THSD4: variants seen among roughly 807,000 people sequenced by gnomAD.
THSD4 encodes thrombospondin type 1 domain containing 4, also known as thrombospondin type-1 domain-containing protein 4.
Under a neutral mutation model 119.0 loss-of-function variants are expected in THSD4, and 69 were observed. The observed-to-expected ratio is 0.58, with a 90% confidence interval of 0.48 to 0.71. The LOEUF is 0.71. Ranked by LOEUF, THSD4 falls within the 30% of genes least tolerant of loss-of-function variation. The probability of loss-of-function intolerance (pLI) is 0.00; values close to 1 mark genes in which losing one functional copy is unlikely to be tolerated. For synonymous variants in THSD4, 524 were observed against 540.4 expected (o/e 0.97, Z 0.42); for missense variants, 1,393 against 1,391.1 (o/e 1.00, Z -0.02).
At chr15:71,292,941 G>T (rs2044812136) in intron 6 of THSD4, among the ~76,000 whole-genome samples, 1 of 152,170 alleles carries the variant, frequency 6.6e-6, no homozygotes, top group African/African-American at 2.4e-5. Context: ...CTCCCAAAGT[G>T]CTGGGATTAC....
intron 4 of THSD4, among the ~76,000 whole-genome samples, chr15:71,238,176 A>C (rs1798280950): frequency 6.6e-6 from 1 of 152,178 alleles, no homozygotes; most frequent in African/African-American, 2.4e-5. Flanking sequence ...TGCTCAATAA[A>C]GGTTTGTTAA....
At chr15:71,371,177 C>T (rs1360830998) in intron 6 of THSD4, among the ~76,000 whole-genome samples, 4 of 152,154 alleles carry the variant, frequency 2.6e-5, no homozygotes, top group African/African-American at 9.7e-5. Context: ...TGTGTCTTAG[C>T]ACATGAGATG....
intron 8 of THSD4, among the ~76,000 whole-genome samples, chr15:71,716,465 G>T (rs947259976): frequency 1.3e-5 from 2 of 152,070 alleles, no homozygotes; most frequent in Admixed American, 6.5e-5. Flanking sequence ...TCGTGCTGTA[G>T]GATTGCACTG....
rs2053148205 is a variant in THSD4, at chr15:71,737,875, A to G, written c.1774A>G (p.Arg592Gly). 2 of 1,614,242 alleles carry G rather than the reference A, an allele frequency of 1.2e-6. No individual in the cohort carries two copies. The highest frequency in any genetic ancestry group is 2.2e-5 in the South Asian group (2 of 91,086). ...AGAATCGGCACAGACCTTCCCAGTC[A>G]GGCATCCAGACAGATTTTCTCCCCA... ...TSESAQTFPV[R>G]HPDRFSPHRP... is the part of the protein sequence containing the mutation. Residue 592 changes from arginine (R) to glycine (G), a missense_variant, in exon 11 of 18, where the codon AGG becomes GGG. Physicochemically the swap from Arg to Gly is moderately radical, Grantham distance 125. Coordinates refer to ENST00000261862, the MANE Select transcript of THSD4 (RefSeq NM_024817.3).
chr15:71,527,681 T>TTGA (rs2048543330), intron 7 of THSD4, among the ~76,000 whole-genome samples: 1 of 151,502 alleles, frequency 6.6e-6, no homozygotes, highest in African/African-American at 2.4e-5. Context: ...TCAGATTTTG[T>TTGA]TGATTTTTTT....
At chr15:71,350,141 T>TAAAAAA (rs3086680) in intron 6 of THSD4, among the ~76,000 whole-genome samples, 11 of 111,174 alleles carry the variant, frequency 9.9e-5, no homozygotes, top group Non-Finnish European at 9.3e-5. Flanking sequence ...TGCAAATTAC[T>TAAAAAA]AAAAAAAAAA....
At chr15:71,692,783 C>T (rs564775323) in intron 8 of THSD4, among the ~76,000 whole-genome samples, 9 of 152,266 alleles carry the variant, frequency 5.9e-5, no homozygotes, top group East Asian at 1.9e-4. Flanking sequence ...TAATAAGAAG[C>T]GCTGTCCTCT....
chr15:71,777,710 A>T lies in THSD4; in HGVS notation c.*336A>T. 3.2e-6 allele frequency: 1 copy of T among 315,314 alleles called. No individual in the cohort carries two copies. Among genetic ancestry groups the T allele is most frequent in the South Asian group, 4.0e-5 (1 of 24,804 alleles). 19.5% of individuals were successfully genotyped at this position (315,314 alleles called of 1,614,324 possible). On this transcript the variant is annotated 3_prime_UTR_variant, in exon 18 of 18. Coordinates refer to ENST00000261862, the MANE Select transcript of THSD4 (RefSeq NM_024817.3). Reference sequence around the variant, plus strand: ...CCATCTGGCACCTTCAAGTCAGCAGATGGGCCACTGACTGAGCACTGCCCC... The same window carrying T: ...CCATCTGGCACCTTCAAGTCAGCAGTTGGGCCACTGACTGAGCACTGCCCC...
intron 15 of THSD4, 89 bp from the exon 16 acceptor site, chr15:71,764,931 G>A (rs370858161): frequency 4.1e-5 from 60 of 1,469,918 alleles, no homozygotes; most frequent in Admixed American, 8.9e-5. Context: ...TAGAATTGAC[G>A]GTGCCCGTCA....
chr15:71,426,722 C>T (rs2046874781), intron 7 of THSD4, among the ~76,000 whole-genome samples: 1 of 152,096 alleles, frequency 6.6e-6, no homozygotes, highest in Non-Finnish European at 1.5e-5. Context: ...ATAAACACCC[C>T]AAGCAAACTC....
At chr15:71,385,604 C>T (rs577656006) in intron 6 of THSD4, among the ~76,000 whole-genome samples, 1 of 148,726 alleles carries the variant, frequency 6.7e-6, no homozygotes, top group East Asian at 2.0e-4. Flanking sequence ...AAATTTGAAC[C>T]TGGTTTGAAT....
intron 3 of THSD4, among the ~76,000 whole-genome samples, chr15:71,174,238 G>A (rs1038297487): frequency 6.6e-6 from 1 of 152,134 alleles, no homozygotes; most frequent in Admixed American, 6.5e-5. Flanking sequence ...CTGAGGTACC[G>A]GGTTCATCTC....
At chr15:71,764,263 T>C (rs2053676994) in intron 15 of THSD4, among the ~76,000 whole-genome samples, 1 of 152,122 alleles carries the variant, frequency 6.6e-6, no homozygotes, top group African/African-American at 2.4e-5. Flanking sequence ...AGGAAAAATA[T>C]TGAGTAAACC....
intron 7 of THSD4, among the ~76,000 whole-genome samples, chr15:71,431,710 T>C (rs925202424): frequency 6.6e-6 from 1 of 152,146 alleles, no homozygotes; most frequent in Non-Finnish European, 1.5e-5. Context: ...CAGGTCGATA[T>C]CTACACTGTT....
intron 7 of THSD4, among the ~76,000 whole-genome samples, chr15:71,645,068 C>T (rs2050941544): frequency 6.6e-6 from 1 of 152,142 alleles, no homozygotes; most frequent in Non-Finnish European, 1.5e-5. Context: ...GATTTCCTTG[C>T]AGCCCTCAAT....
At chr15:71,575,783 A>G (rs1319926961) in intron 7 of THSD4, among the ~76,000 whole-genome samples, 1 of 152,226 alleles carries the variant, frequency 6.6e-6, no homozygotes, top group African/African-American at 2.4e-5. Context: ...CAACAACAAA[A>G]AAGTCTACTT....
intron 1 of THSD4, among the ~76,000 whole-genome samples, chr15:71,137,942 A>G (rs2040566203): frequency 6.6e-6 from 1 of 152,214 alleles, no homozygotes; most frequent in Non-Finnish European, 1.5e-5. Flanking sequence ...TGATAATTTC[A>G]GATGTTTTTC....
At chr15:71,344,278 C>T (rs1025874461) in intron 6 of THSD4, among the ~76,000 whole-genome samples, 2 of 152,174 alleles carry the variant, frequency 1.3e-5, no homozygotes, top group African/African-American at 2.4e-5. Context: ...CTCCTGACCT[C>T]GTGATCCACC....
At chr15:71,738,168 G>A (rs2053161800) in intron 11 of THSD4, 161 bp downstream of exon 11, 1 of 935,530 alleles carries the variant, frequency 1.1e-6, no homozygotes, top group Non-Finnish European at 1.6e-6. Context: ...TGGTTTCTGG[G>A]TGAAACTGCC....
Sources: allele counts gnomAD v4.1 joint callset (sites outside exome capture counted in the v4.1 genomes callset), GRCh38; gene constraint gnomAD v4.1.1; transcripts MANE v1.5; gene names NCBI Gene and HGNC (gene_info 2026-07-23, HGNC 2026-07-21).